Variants in MAP3K13 observed in about 807,000 individuals in gnomAD.
MAP3K13 encodes the protein leucine zipper-bearing kinase.
Under a neutral mutation model 104.0 loss-of-function variants are expected in MAP3K13, and 52 were observed. The observed-to-expected ratio is 0.50, with a 90% CI of 0.40 to 0.63. The LOEUF (loss-of-function observed/expected upper bound fraction) is 0.63. Ranked by LOEUF, MAP3K13 falls within the 20% of genes least tolerant of loss-of-function variation. MAP3K13 has a pLI of 0.00. For synonymous variants in MAP3K13, 394 were observed against 442.2 expected (o/e 0.89, Z 1.37); for missense variants, 914 against 1,218.5 (o/e 0.75, Z 3.72).
chr3:185,473,350 C>T lies in MAP3K13; in HGVS notation c.2019C>T (p.Phe673=), dbSNP rs757340247. The change falls in exon 11 of 14, where the codon TTC becomes TTT. Residue 673 remains phenylalanine (F), a synonymous_variant. Transcript: ENST00000265026. This position sits in a 1 kb window ranked among gnomAD's most constrained non-coding sequence, Gnocchi z 4.9. ...IATCANNLRY[F]GPAAALRSPL... ...CCTGCGCCAACAACCTGAGGTATTT[C>T]GGCCCAGCAGCAGCCCTGCGGAGCC... 1.4e-5 allele frequency: 23 copies of T among 1,614,104 alleles called. No homozygotes were observed. The highest frequency in any genetic ancestry group is 5.3e-5 in the African/African-American group (4 of 74,938).
chr3:185,350,393 G>A (rs1723095879), intron 2 of MAP3K13, among the ~76,000 whole-genome samples: 1 of 152,152 alleles, frequency 6.6e-6, no homozygotes, highest in African/African-American at 2.4e-5. Context: ...CACCATGTTG[G>A]TCAGGCTGGG....
At chr3:185,298,395 G>A (rs1024091199) in intron 2 of MAP3K13, among the ~76,000 whole-genome samples, 3 of 152,048 alleles carry the variant, frequency 2.0e-5, no homozygotes, top group African/African-American at 7.2e-5. Context: ...GAAACATTAA[G>A]AACACCACAG....
chr3:185,389,608 C>G (rs980263948), intron 1 of MAP3K13, among the ~76,000 whole-genome samples: 2 of 151,432 alleles, frequency 1.3e-5, no homozygotes, highest in African/African-American at 4.8e-5. Flanking sequence ...GTATTCCTGT[C>G]CACAAGAATT....
chr3:185,292,958 A>G lies in MAP3K13; in HGVS notation c.-86+7315A>G, dbSNP rs532458057. 5 of 983,832 alleles carry G rather than the reference A, an allele frequency of 5.1e-6. No homozygotes were observed. In the Admixed American group the frequency reaches 3.1e-4, roughly 60 times the overall value. The allele number at this position is 983,832 out of a possible 1,614,324, so 60.9% of individuals were successfully genotyped here. Reference sequence around the variant, plus strand: ...TTCTTTACATGAAAGAACATAGAATATTTCACAATGCATCCCACGTGGTAA... The same window carrying G: ...TTCTTTACATGAAAGAACATAGAATGTTTCACAATGCATCCCACGTGGTAA... On this transcript the variant is annotated intron_variant, in intron 2 of 14. Coordinates refer to the MAP3K13 transcript ENST00000424227.
intron 2 of MAP3K13, among the ~76,000 whole-genome samples, chr3:185,307,544 C>CA (rs1560041639): frequency 2.3e-5 from 1 of 42,588 alleles, no homozygotes; most frequent in Admixed American, 1.9e-4. Context: ...GTGCACCACC[C>CA]CCTCCCCCGC....
At position 185,417,379 on chromosome 3, in the gene MAP3K13, GTTCTTTTCTT is replaced by G. The variant is rs367566707; in HGVS notation, c.-85-11100_-85-11091del. On this transcript the variant is annotated intron_variant, in intron 1 of 13. Transcript: ENST00000265026. ...GGAAATAATCAAAACACTGATATAT[GTTCTTTTCTT>G]TTCTTTTCTTTTCTTTTTTTCCTCA... The G allele has an allele frequency of 4.7e-3, 5,077 of 1,091,030 alleles. 26 individuals are homozygous for G. Among genetic ancestry groups the G allele is most frequent in the Non-Finnish European group, 5.9e-3 (4,561 of 767,010 alleles). The allele number at this position is 1,091,030 out of a possible 1,614,324, so 67.6% of individuals were successfully genotyped here.
At chr3:185,305,231 A>G (rs879314933) in intron 2 of MAP3K13, among the ~76,000 whole-genome samples, 1 of 152,048 alleles carries the variant, frequency 6.6e-6, no homozygotes, top group Non-Finnish European at 1.5e-5. Flanking sequence ...GACTTTTTGT[A>G]GAGAGAGACA....
chr3:185,399,506 G>A (rs1712631313), intron 1 of MAP3K13, among the ~76,000 whole-genome samples: 1 of 151,356 alleles, frequency 6.6e-6, no homozygotes, highest in Non-Finnish European at 1.5e-5. Context: ...TACTCGGGAG[G>A]CTGAGGTAGG....
At chr3:185,294,223 A>G (rs1438295821) in intron 2 of MAP3K13, among the ~76,000 whole-genome samples, 2 of 152,216 alleles carry the variant, frequency 1.3e-5, no homozygotes, top group African/African-American at 4.8e-5. Flanking sequence ...AGTCACTGAC[A>G]TTAACTTGTT....
chr3:185,428,409 G>C (rs1714549127), intron 1 of MAP3K13, 88 bp from the exon 2 acceptor site: 5 of 803,492 alleles, frequency 6.2e-6, no homozygotes, highest in Non-Finnish European at 9.1e-6. Context: ...AATCCCCATT[G>C]TTTCAGTTTT....
chr3:185,406,434 T>G (rs1376056705), intron 1 of MAP3K13, among the ~76,000 whole-genome samples: 1 of 152,238 alleles, frequency 6.6e-6, no homozygotes, highest in East Asian at 1.9e-4. Flanking sequence ...GTCTTCTCTC[T>G]TGATTCTTTT....
At chr3:185,320,818 GATTAAACTGCAATTT>G (rs143707898) in intron 2 of MAP3K13, among the ~76,000 whole-genome samples, 1 of 151,984 alleles carries the variant, frequency 6.6e-6, no homozygotes, top group Non-Finnish European at 1.5e-5. Flanking sequence ...ATTTGGCAGA[GATTAAACTGCAATTT>G]AAATACAGAT....
In MAP3K13 at chr3:185,437,730, C is replaced by T. The variant is rs6762204; in HGVS notation, c.659+100C>T. The T allele has an allele frequency of 2.6e-5, 31 of 1,191,546 alleles. No individual in the cohort carries two copies. The African/African-American group carries it at 4.6e-4, about 18-fold the overall frequency. The allele number at this position is 1,191,546 out of a possible 1,614,324, so 73.8% of individuals were successfully genotyped here. A position where few individuals can be genotyped will look rare whatever the true frequency, so the allele number is the denominator to read the frequency against. On this transcript the variant is annotated intron_variant, in intron 3 of 13. Coordinates refer to ENST00000265026, the MANE Select transcript of MAP3K13 (RefSeq NM_004721.5). The stretch of plus-strand genomic sequence containing the variant: ...TTGAGAGATATTTCAAAAGCATTCT[C>T]TAGACTTAGCACTGTGCTAGGTGCT...
chr3:185,321,133 T>A (rs926540759), intron 2 of MAP3K13, among the ~76,000 whole-genome samples: 1 of 150,148 alleles, frequency 6.7e-6, no homozygotes, highest in African/African-American at 2.5e-5. Context: ...CATATACACA[T>A]GTGTATATTA....
intron 2 of MAP3K13, among the ~76,000 whole-genome samples, chr3:185,285,905 G>C (rs1469323328): frequency 6.6e-6 from 1 of 151,946 alleles, no homozygotes; most frequent in Non-Finnish European, 1.5e-5. Flanking sequence ...TTTTAGGGGG[G>C]AGCTTCCTTT....
intron 2 of MAP3K13, chr3:185,329,347 G>A: frequency 1.5e-6 from 1 of 663,318 alleles, no homozygotes; most frequent in Non-Finnish European, 2.7e-6. Flanking sequence ...TAGATTCATA[G>A]TTACAGATTC....
At chr3:185,410,006 C>T (rs558474846) in intron 1 of MAP3K13, among the ~76,000 whole-genome samples, 6 of 152,272 alleles carry the variant, frequency 3.9e-5, no homozygotes, top group African/African-American at 1.2e-4. Context: ...TCATAAGGCG[C>T]GCACAACCTT....
chr3:185,455,626 T>TATATATGACATATATATC (rs1560120098), intron 7 of MAP3K13, among the ~76,000 whole-genome samples: 1 of 8,900 alleles, frequency 1.1e-4, no homozygotes, highest in African/African-American at 3.4e-4. Context: ...AGATATATGA[T>TATATATGACATATATATC]ATATATATGA....
upstream of MAP3K13, among the ~76,000 whole-genome samples, chr3:185,358,705 C>G (rs890172413): frequency 2.6e-5 from 4 of 152,148 alleles, no homozygotes; most frequent in Non-Finnish European, 4.4e-5. Context: ...TTGACCAAGG[C>G]TCCATATACT....
Sources: gnomAD v4.1 joint callset for allele counts (sites outside exome capture counted in the v4.1 genomes callset) on GRCh38, gnomAD v4.1.1 for gene constraint, Gnocchi (gnomAD v3.1) non-coding constraint, MANE v1.5 for transcripts, NCBI Gene and HGNC (gene_info 2026-07-23, HGNC 2026-07-21) for gene names.